KLK8: variants seen among roughly 807,000 people sequenced by gnomAD.
KLK8 encodes kallikrein-8.
A neutral mutation model predicts 26.7 loss-of-function variants in KLK8; 18 were observed. The ratio of observed to expected loss-of-function variants is 0.67; its 90% CI spans 0.47 to 1.00. KLK8 has a LOEUF of 1.00. Among genes scored for constraint, KLK8 ranks in the 50% least tolerant of loss-of-function variants. The pLI is 0.00. For missense variants in KLK8, 301 were observed against 331.7 expected (o/e 0.91, Z 0.72); for synonymous variants, 137 against 127.1 (o/e 1.08, Z -0.52).
exon 5 of KLK8, chr19:51,000,098 A>C: frequency 6.2e-7 from 1 of 1,614,080 alleles, no homozygotes; most frequent in Non-Finnish European, 8.5e-7. Flanking sequence ...GACCCCAGGG[A>C]TGCCTGGTCA....
exon 4 of KLK8, chr19:51,000,571 G>A (rs200270649): frequency 2.5e-6 from 4 of 1,613,984 alleles, no homozygotes; most frequent in Admixed American, 1.7e-5. Context: ...GTCCTCCTGT[G>A]CCCTGGAGTG....
chr19:51,000,168 G>C lies in KLK8; in HGVS notation c.321C>G (p.Pro107=), dbSNP rs546947248. The change falls in exon 5 of 7, where the codon CCC becomes CCG. Residue 107 remains proline, a synonymous_variant. Coordinates refer to ENST00000600767, the Ensembl canonical transcript of KLK8. ...CCTCCACATCGCTGCTGTTGTAGCA[G>C]GGGTGTGGGATGGACTGAACCACAG... is the stretch of plus-strand genomic sequence containing the variant. 4 of 1,613,668 alleles carry C rather than the reference G, an allele frequency of 2.5e-6. No homozygotes were observed. The South Asian group carries it at 4.4e-5, about 18-fold the overall frequency.
At chr19:51,000,209 G>A (rs1204512742) in exon 5 of KLK8, 1 of 1,606,480 alleles carries the variant, frequency 6.2e-7, no homozygotes, top group Non-Finnish European at 8.5e-7. Flanking sequence ...TCTTGCTCTG[G>A]GCCATCTTTA....
chr19:51,001,450 G>A (rs1429197699), intron 2 of KLK8, 82 bp downstream of exon 1: 4 of 440,988 alleles, frequency 9.1e-6, no homozygotes, highest in Non-Finnish European at 1.2e-5. Flanking sequence ...GACAGAGAAG[G>A]GCATCTGAGG....
At chr19:51,000,814 CCCCGAGTACT>C (rs1412085802) in intron 3 of KLK8, 79 of 1,260,554 alleles carry the variant, frequency 6.3e-5, no homozygotes, top group Non-Finnish European at 6.3e-5. Flanking sequence ...AGTCTACAGG[CCCCGAGTACT>C]CCCAGGTGAA....
chr19:50,997,602 C>T (rs928615784), intron 6 of KLK8, 149 bp downstream of exon 5: 8 of 880,078 alleles, frequency 9.1e-6, no homozygotes, highest in Middle Eastern at 7.3e-4. Flanking sequence ...TTCTCTGAAC[C>T]TGGCTCCCAA....
At chr19:51,000,772 C>T in intron 3 of KLK8, 189 bp from the exon 3 acceptor site, 1 of 1,496,014 alleles carries the variant, frequency 6.7e-7, no homozygotes, top group South Asian at 1.4e-5. Context: ...AAGAGTCACA[C>T]ACCCAAGAAT....
exon 6 of KLK8, chr19:50,997,879 A>G (rs777201667): frequency 3.1e-6 from 5 of 1,614,066 alleles, no homozygotes; most frequent in Non-Finnish European, 4.2e-6. Context: ...GTGTCAGGAA[A>G]ATTCTCTGAG....
At chr19:51,000,581 G>A (rs1276114481) in exon 4 of KLK8, 2 of 1,613,874 alleles carry the variant, frequency 1.2e-6, no homozygotes, top group African/African-American at 1.3e-5. Flanking sequence ...GCCCTGGAGT[G>A]TCCTGCAGCA....
exon 5 of KLK8, chr19:51,000,078 C>T: frequency 6.2e-7 from 1 of 1,614,038 alleles, no homozygotes; most frequent in Non-Finnish European, 8.5e-7. Context: ...GGCTGATGGG[C>T]TTCACTTTGG....
At chr19:50,998,325 C>T (rs1312576524) in intron 5 of KLK8, among the ~76,000 whole-genome samples, 1 of 152,196 alleles carries the variant, frequency 6.6e-6, no homozygotes, top group African/African-American at 2.4e-5. Context: ...CCCTCCATTA[C>T]TCCCTATCCT....
intron 3 of KLK8, chr19:51,000,862 A>C: frequency 1.1e-5 from 10 of 888,446 alleles, no homozygotes; most frequent in Non-Finnish European, 1.7e-5. Context: ...GCAGCCCCCA[A>C]AGGCTGTAGC....
Position 51,000,410 on chromosome 19 carries a change from C to T in KLK8, c.230+14G>A. The T allele has an allele frequency of 1.9e-6, 3 of 1,595,384 alleles. No homozygotes were observed. The highest frequency in any genetic ancestry group is 2.6e-6 in the Non-Finnish European group (3 of 1,168,750). On this transcript the variant is annotated intron_variant, in intron 4 of 6. Coordinates refer to ENST00000600767, the Ensembl canonical transcript of KLK8. ...TTAAGCCCCAGCTGACCTCTGCCCC[C>T]ATCATCCACTCACGGTTTTTTACAG...
intron 5 of KLK8, 74 bp from the exon 5 acceptor site, chr19:50,997,958 C>T (rs977503926): frequency 2.5e-6 from 4 of 1,581,176 alleles, no homozygotes; most frequent in Non-Finnish European, 2.6e-6. Flanking sequence ...ATCTAACCCC[C>T]TTTCTTTCCA....
At chr19:50,997,520 G>A (rs953158737) in intron 6 of KLK8, among the ~76,000 whole-genome samples, 11 of 152,116 alleles carry the variant, frequency 7.2e-5, no homozygotes, top group Non-Finnish European at 1.0e-4. Flanking sequence ...TTAAGCGTTC[G>A]AAAGAAAACA....
intron 5 of KLK8, chr19:50,998,894 G>A (rs1454677468): frequency 1.3e-5 from 2 of 152,220 alleles, no homozygotes; most frequent in Non-Finnish European, 2.9e-5. Context: ...GTGAGGCTCA[G>A]AGATGGAAAG....
At chr19:50,997,608 C>T in intron 6 of KLK8, 143 bp downstream of exon 5, 1 of 944,516 alleles carries the variant, frequency 1.1e-6, no homozygotes, top group Admixed American at 2.5e-5. Flanking sequence ...GAACCTGGCT[C>T]CCAATCCGTA....
chr19:50,997,982 G>A lies in KLK8; in HGVS notation c.494-98C>T, dbSNP rs139767966. ...CCTTTCTTTCCAGGATGTAATGGGG[G>A]AGTTTTCCAGCTGCATGGGGGAATT... On this transcript the variant is annotated intron_variant, in intron 5 of 6. Coordinates refer to ENST00000600767, the Ensembl canonical transcript of KLK8. The A allele has an allele frequency of 2.7e-4, 393 of 1,480,738 alleles. 5 individuals carry two copies. In the African/African-American group the frequency reaches 4.4e-3, roughly 17 times the overall value. 91.7% of individuals were successfully genotyped at this position (1,480,738 alleles called of 1,614,324 possible).
chr19:51,000,248 CTG>C lies in KLK8; in HGVS notation c.239_240del (p.Thr80SerfsTer11). The C allele has an allele frequency of 6.3e-7, 1 of 1,586,590 alleles. No homozygotes were observed. The highest frequency in any genetic ancestry group is 8.6e-7 in the Non-Finnish European group (1 of 1,161,212). On this transcript the variant is annotated frameshift_variant, in exon 5 of 7. Coordinates refer to ENST00000600767, the Ensembl canonical transcript of KLK8. LOFTEE classifies it high-confidence loss of function. ...TGTAGGCTGTGGTCTCCCAGGCGTA[CTG>C]TGTATTTCCTGTAATGGTGGGGATA... is the stretch of plus-strand genomic sequence containing the variant.
Sources: allele counts gnomAD v4.1 joint callset (sites outside exome capture counted in the v4.1 genomes callset), GRCh38; gene constraint gnomAD v4.1.1; transcripts MANE v1.5; gene names NCBI Gene and HGNC (gene_info 2026-07-23, HGNC 2026-07-21).